Variants in MYH16 observed in about 807,000 individuals in gnomAD.
The protein encoded by MYH16 is putative uncharacterized protein MYH16.
chr7:99,263,714 T>C (rs537478655), intron 14 of MYH16, among the ~76,000 whole-genome samples: 4 of 152,322 alleles, frequency 2.6e-5, no homozygotes, highest in Admixed American at 2.6e-4. Flanking sequence ...ATCTTGCCTC[T>C]AGGTGGATGG....
intron 19 of MYH16, among the ~76,000 whole-genome samples, chr7:99,272,262 T>C (rs1013287862): frequency 2.0e-5 from 3 of 152,188 alleles, no homozygotes; most frequent in African/African-American, 7.2e-5. Context: ...ATAATGATGC[T>C]ATGAGAGGGG....
chr7:99,271,759 G>A (rs1792049533), intron 19 of MYH16, among the ~76,000 whole-genome samples: 1 of 152,142 alleles, frequency 6.6e-6, no homozygotes, highest in African/African-American at 2.4e-5. Flanking sequence ...GAGTACAGTG[G>A]TGCGATCATA....
At chr7:99,253,391 A>G (rs1207860888) in intron 7 of MYH16, 1 of 151,866 alleles carries the variant, frequency 6.6e-6, no homozygotes, top group Non-Finnish European at 1.5e-5. Flanking sequence ...AAATAATCAC[A>G]CCACTGCACT....
intron 29 of MYH16, among the ~76,000 whole-genome samples, chr7:99,288,539 CA>C (rs2150825693): frequency 6.7e-6 from 1 of 150,036 alleles, no homozygotes; most frequent in African/African-American, 2.5e-5. Flanking sequence ...CACCTGAGGT[CA>C]CAAGTTCAAG....
exon 39 of MYH16, chr7:99,303,178 G>C (rs549680538): frequency 6.5e-6 from 1 of 152,842 alleles, no homozygotes; most frequent in Non-Finnish European, 1.5e-5. Context: ...GGGCCAAGAA[G>C]GCCATGATGG....
chr7:99,247,225 T>A (rs1791743885), intron 2 of MYH16, among the ~76,000 whole-genome samples: 1 of 152,172 alleles, frequency 6.6e-6, no homozygotes, highest in Non-Finnish European at 1.5e-5. Flanking sequence ...CAGGCTGGAG[T>A]ACAGTGGCAC....
chr7:99,297,460 T>A (rs1022389895), intron 34 of MYH16, among the ~76,000 whole-genome samples, 200 bp from the exon 16 acceptor site: 14 of 151,912 alleles, frequency 9.2e-5, no homozygotes, highest in Admixed American at 2.6e-4. Flanking sequence ...TTAATTAATT[T>A]AATTTAATGA....
chr7:99,309,309 G>T (rs1277468694), downstream of MYH16, among the ~76,000 whole-genome samples: 1 of 152,142 alleles, frequency 6.6e-6, no homozygotes, highest in South Asian at 2.1e-4. Context: ...AGTGAGGAGG[G>T]TAAGTTTCCC....
chr7:99,301,859 G>T (rs1792599873), intron 38 of MYH16, 55 bp downstream of exon 19: 1 of 152,690 alleles, frequency 6.5e-6, no homozygotes, highest in Non-Finnish European at 1.5e-5. Context: ...GGGGGTTAGG[G>T]GGTGCTGGGG....
intron 18 of MYH16, among the ~76,000 whole-genome samples, chr7:99,270,064 G>A (rs1471006106): frequency 3.6e-5 from 5 of 140,118 alleles, no homozygotes; most frequent in East Asian, 2.1e-4. Context: ...TAATAAAGAC[G>A]GGGTTTCACC....
At chr7:99,268,533 T>G (rs920433140) in intron 18 of MYH16, among the ~76,000 whole-genome samples, 2 of 152,216 alleles carry the variant, frequency 1.3e-5, no homozygotes, top group Non-Finnish European at 2.9e-5. Flanking sequence ...ATCTTGCTGT[T>G]GTACAAGGGT....
At chr7:99,242,383 T>C (rs1428301653) in intron 1 of MYH16, among the ~76,000 whole-genome samples, 1 of 152,118 alleles carries the variant, frequency 6.6e-6, no homozygotes, top group African/African-American at 2.4e-5. Flanking sequence ...GGCTCACACC[T>C]GTAACACTTT....
chr7:99,273,286 A>G lies in MYH16; in HGVS notation n.2404-56A>G. ...CCCAGGCCCCACCCCTTCCCCAGGG[A>G]AGCCAGGTCCTAACACCTTCATTGT... is the stretch of plus-strand genomic sequence containing the variant. On this transcript the variant is annotated intron_variant and non_coding_transcript_variant, in intron 19 of 41. Coordinates refer to ENST00000439784, the Ensembl canonical transcript of MYH16. The G allele has an allele frequency of 6.6e-6, 3 of 455,448 alleles. No individual in the cohort carries two copies. In the Admixed American group the frequency reaches 7.1e-5, roughly 11 times the overall value. The allele number at this position is 455,448 out of a possible 1,614,324, so 28.2% of individuals were successfully genotyped here. A position where few individuals can be genotyped will look rare whatever the true frequency, so the allele number is the denominator to read the frequency against.
intron 32 of MYH16, 114 bp from the exon 14 acceptor site, chr7:99,293,904 A>G (rs17161652): frequency 0.064 from 21,453 of 333,780 alleles, 1,824 homozygotes; most frequent in East Asian, 0.3. Context: ...ATCGTTTCCA[A>G]TGTTGACACC....
intron 30 of MYH16, among the ~76,000 whole-genome samples, chr7:99,290,108 G>T (rs1792346249): frequency 1.3e-5 from 2 of 152,222 alleles, no homozygotes; most frequent in African/African-American, 4.8e-5. Context: ...ATAGTCTACA[G>T]GTGGGCCTGT....
intron 33 of MYH16, among the ~76,000 whole-genome samples, chr7:99,295,576 G>A (rs1272343260): frequency 6.6e-6 from 1 of 152,104 alleles, no homozygotes; most frequent in East Asian, 1.9e-4. Context: ...ATGGAACCAT[G>A]ATTCATGCTG....
intron 1 of MYH16, among the ~76,000 whole-genome samples, chr7:99,240,130 C>T (rs1361053167): frequency 6.6e-6 from 1 of 152,036 alleles, no homozygotes; most frequent in Non-Finnish European, 1.5e-5. Context: ...AGGCACTTGA[C>T]ACTTTGTTTA....
chr7:99,258,592 A>G (rs1156870862), intron 11 of MYH16, among the ~76,000 whole-genome samples: 1 of 152,186 alleles, frequency 6.6e-6, no homozygotes, highest in East Asian at 1.9e-4. Context: ...AGTCATAAAG[A>G]ATGGTGTGAA....
At chr7:99,260,238 C>G (rs567085949) in exon 12 of MYH16, 32 of 1,609,060 alleles carry the variant, frequency 2.0e-5, no homozygotes, top group Non-Finnish European at 9.3e-6. Flanking sequence ...ACCACATGTT[C>G]GTGCTGGAGC....
Sources: gnomAD v4.1 joint callset for allele counts (sites outside exome capture counted in the v4.1 genomes callset) on GRCh38, gnomAD v4.1.1 for gene constraint, MANE v1.5 for transcripts, NCBI Gene and HGNC (gene_info 2026-07-23, HGNC 2026-07-21) for gene names.